Variants in LARGE1 observed in about 807,000 individuals in gnomAD.
LARGE1 encodes LARGE xylosyl- and glucuronyltransferase 1.
Under a neutral mutation model 87.6 loss-of-function variants are expected in LARGE1, and 43 were observed. The observed-to-expected ratio is 0.49, with a 90% confidence interval of 0.38 to 0.63. The LOEUF is 0.63. LARGE1 is among the 30% of genes least tolerant of loss of function. LARGE1 has a pLI of 0.00. For synonymous variants in LARGE1, 434 were observed against 394.6 expected, an observed-to-expected ratio of 1.10 and a Z score of -1.18; for missense variants, 802 against 1,000.2, an observed-to-expected ratio of 0.80 and a Z score of 2.67.
At chr22:33,077,311 G>A in the LARGE1 span, among the ~76,000 whole-genome samples, 1 of 152,116 alleles carries the variant, frequency 6.6e-6, no homozygotes, top group Admixed American at 6.5e-5. Flanking sequence ...ATTATAAAGT[G>A]AGGAACCTCA....
chr22:33,295,817 A>G (rs1250752615), intron 12 of LARGE1, among the ~76,000 whole-genome samples: 1 of 152,316 alleles, frequency 6.6e-6, no homozygotes, highest in East Asian at 1.9e-4. Flanking sequence ...GAGGTCAGAC[A>G]TGGGCATGTC....
At chr22:33,910,348 G>A (rs2065595957) in intron 1 of LARGE1, among the ~76,000 whole-genome samples, 1 of 152,164 alleles carries the variant, frequency 6.6e-6, no homozygotes, top group South Asian at 2.1e-4. Flanking sequence ...ATTAAAGTAT[G>A]TAGATACTGA....
At chr22:33,490,367 C>T (rs748412775) in intron 6 of LARGE1, among the ~76,000 whole-genome samples, 3 of 152,280 alleles carry the variant, frequency 2.0e-5, no homozygotes, top group African/African-American at 4.8e-5. Context: ...CCACCTCATT[C>T]GTCTCTCACA....
chr22:33,775,851 T>TAA (rs35496819), intron 1 of LARGE1, among the ~76,000 whole-genome samples: 24,881 of 122,080 alleles, frequency 0.2, 2,783 homozygotes, highest in Admixed American at 0.33. Flanking sequence ...GTCACTGTCT[T>TAA]AAAAAAAAAA....
intron 1 of LARGE1, among the ~76,000 whole-genome samples, chr22:33,879,667 T>A (rs925574240): frequency 6.6e-6 from 1 of 152,206 alleles, no homozygotes; most frequent in African/African-American, 2.4e-5. Flanking sequence ...CTCTCCCTTT[T>A]AGTAAAATTA....
chr22:33,166,610 C>A (rs1222286712), exon 12 of LARGE1: 1 of 378,836 alleles, frequency 2.6e-6, no homozygotes, highest in African/African-American at 2.1e-5. Context: ...ATGATGTTCA[C>A]CTGGCATGTA....
intron 6 of LARGE1, among the ~76,000 whole-genome samples, chr22:33,550,793 G>A (rs1033135814): frequency 1.3e-5 from 2 of 152,100 alleles, no homozygotes; most frequent in Non-Finnish European, 2.9e-5. Context: ...GAAATCAACC[G>A]ACGTGCCCAT....
At chr22:33,787,672 G>T (rs2085692488) in intron 1 of LARGE1, among the ~76,000 whole-genome samples, 1 of 152,112 alleles carries the variant, frequency 6.6e-6, no homozygotes, top group Non-Finnish European at 1.5e-5. Flanking sequence ...TCATCTCTCA[G>T]TTCAAAAGAA....
At chr22:33,839,298 T>C (rs2063200989) in intron 1 of LARGE1, among the ~76,000 whole-genome samples, 2 of 152,196 alleles carry the variant, frequency 1.3e-5, no homozygotes, top group African/African-American at 2.4e-5. Context: ...AACAACCAGA[T>C]TTCTCATGAG....
chr22:33,468,334 A>T (rs756839381), intron 6 of LARGE1, among the ~76,000 whole-genome samples: 1 of 152,208 alleles, frequency 6.6e-6, no homozygotes, highest in Non-Finnish European at 1.5e-5. Flanking sequence ...ATCTGGGTGC[A>T]GTGATGCCTC....
chr22:33,085,233 G>A, the LARGE1 span, among the ~76,000 whole-genome samples: 2 of 152,186 alleles, frequency 1.3e-5, no homozygotes, highest in African/African-American at 2.4e-5. Flanking sequence ...CCGAGATCGC[G>A]CCACTGCACT....
chr22:33,157,416 T>C (rs1921907355), downstream of LARGE1, among the ~76,000 whole-genome samples: 1 of 152,224 alleles, frequency 6.6e-6, no homozygotes, highest in Non-Finnish European at 1.5e-5. Context: ...AAGACCAATT[T>C]CTTTGCATGG....
chr22:33,529,910 T>A (rs761160627), intron 6 of LARGE1, among the ~76,000 whole-genome samples: 7 of 152,122 alleles, frequency 4.6e-5, no homozygotes, highest in Non-Finnish European at 8.8e-5. Context: ...GAACCATGTG[T>A]TTGTGTTTTG....
chr22:33,185,698 T>G (rs1923438254), intron 11 of LARGE1, among the ~76,000 whole-genome samples: 1 of 152,160 alleles, frequency 6.6e-6, no homozygotes, highest in Admixed American at 6.5e-5. Flanking sequence ...AATGTTGCTG[T>G]GAATCTATAA....
In LARGE1 at chr22:33,794,509, C is replaced by T. The variant is rs2085921307; in HGVS notation, c.-82-32951G>A. Among the ~76,000 whole-genome samples, 5 of 152,180 alleles carry T rather than the reference C, an allele frequency of 3.3e-5. No homozygotes were observed. In the South Asian group the frequency reaches 8.3e-4, roughly 25 times the overall value. ...TCTTCAGACAGACCAGAGTTCCAAC[C>T]CCAGTCTATCCTTTTACTGCTGTGT... is the stretch of plus-strand genomic sequence containing the variant. On this transcript the variant is annotated intron_variant, in intron 1 of 14. Coordinates refer to ENST00000397394, the MANE Select transcript of LARGE1 (RefSeq NM_133642.5).
At chr22:33,481,838 T>C (rs2069344640) in intron 6 of LARGE1, among the ~76,000 whole-genome samples, 1 of 152,186 alleles carries the variant, frequency 6.6e-6, no homozygotes, top group South Asian at 2.1e-4. Context: ...CCAGTTCTCT[T>C]AGCAAAAGTC....
intron 9 of LARGE1, among the ~76,000 whole-genome samples, chr22:33,362,490 C>T (rs535093965): frequency 2.0e-5 from 3 of 149,780 alleles, no homozygotes; most frequent in South Asian, 2.2e-4. Flanking sequence ...TCTTAACCAA[C>T]CTCTACTTAG....
intron 9 of LARGE1, among the ~76,000 whole-genome samples, chr22:33,379,685 G>C (rs1262636582): frequency 6.6e-6 from 1 of 152,076 alleles, no homozygotes; most frequent in African/African-American, 2.4e-5. Flanking sequence ...CCATCATTCT[G>C]AGCAAACAAT....
chr22:33,711,328 G>C (rs537892535), intron 2 of LARGE1, among the ~76,000 whole-genome samples: 23 of 152,320 alleles, frequency 1.5e-4, no homozygotes, highest in African/African-American at 5.5e-4. Flanking sequence ...GAATGGATTG[G>C]TCTCTTTCAA....
Sources: gnomAD v4.1 joint callset for allele counts (sites outside exome capture counted in the v4.1 genomes callset) on GRCh38, gnomAD v4.1.1 for gene constraint, MANE v1.5 for transcripts, NCBI Gene and HGNC (gene_info 2026-07-23, HGNC 2026-07-21) for gene names.